The following OTOA variants were observed in gnomAD, a reference collection of about 807,000 sequenced individuals.
OTOA encodes cancer/testis antigen 108.
A neutral mutation model predicts 110.8 loss-of-function variants in OTOA; 70 were observed. The ratio of observed to expected loss-of-function variants is 0.63; its 90% CI spans 0.52 to 0.77. The LOEUF (loss-of-function observed/expected upper bound fraction) is 0.77. Ranked by LOEUF, OTOA falls within the 30% of genes least tolerant of loss-of-function variation. OTOA has a pLI of 0.00. For missense variants in OTOA, 917 were observed against 1,075.8 expected, an observed-to-expected ratio of 0.85 and a Z score of 2.06; for synonymous variants, 373 against 431.5, an observed-to-expected ratio of 0.86 and a Z score of 1.68.
intron 22 of OTOA, 97 bp downstream of exon 22, chr16:21,736,487 G>A (rs1248871946): frequency 4.5e-6 from 6 of 1,347,360 alleles, no homozygotes; most frequent in Non-Finnish European, 6.4e-6. Context: ...GCAGGGAACT[G>A]GATGAAATGT....
rs78674493 is a variant in OTOA, at chr16:21,736,456, G to A, written c.2431+66G>A. ...AATTAATGTTTTGGGCAGGGTCCCT[G>A]ACATCAAGAGGCCTCCTTATGCAGG... On this transcript the variant is annotated intron_variant, in intron 22 of 28. Coordinates refer to ENST00000646100, the MANE Select transcript of OTOA (RefSeq NM_144672.4). 29,580 of 1,567,862 alleles carry A rather than the reference G, an allele frequency of 0.019. No homozygotes were observed. In the East Asian group the frequency reaches 0.27, roughly 14 times the overall value.
At chr16:21,693,008 A>T (rs1239944153) in intron 9 of OTOA, among the ~76,000 whole-genome samples, 1 of 151,646 alleles carries the variant, frequency 6.6e-6, no homozygotes, top group Non-Finnish European at 1.5e-5. Context: ...TAATCCCAGC[A>T]CTTTGGGAGG....
chr16:21,673,219 T>C (rs975287754), intron 1 of OTOA, among the ~76,000 whole-genome samples: 3 of 152,190 alleles, frequency 2.0e-5, no homozygotes, highest in African/African-American at 7.2e-5. Context: ...TCCTGTGTAC[T>C]CTTCACCCAG....
rs1344710214 is a variant in OTOA at position 21,754,086 on chromosome 16, C to CTA, written c.3153+974_3153+975dup. Among the ~76,000 whole-genome samples, 93 of 136,324 alleles carry CTA rather than the reference C, an allele frequency of 6.8e-4. 2 individuals carry two copies. Among genetic ancestry groups the CTA allele is most frequent in the Non-Finnish European group, 9.7e-4 (62 of 63,726 alleles). The allele number at this position is 136,324 out of a possible 152,430, so 89.4% of individuals were successfully genotyped here. On this transcript the variant is annotated intron_variant, in intron 27 of 28. Coordinates refer to ENST00000646100, the MANE Select transcript of OTOA (RefSeq NM_144672.4). ...TCTCTCTATATATATATATTTTTTT[C>CTA]TATATATATATATTTTTAGTTGATT...
At chr16:21,716,216 A>T (rs1358396117) in intron 14 of OTOA, among the ~76,000 whole-genome samples, 1 of 151,500 alleles carries the variant, frequency 6.6e-6, no homozygotes, top group African/African-American at 2.4e-5. Context: ...TTTACTTGTC[A>T]GGGAGTCTTT....
chr16:21,693,236 C>G (rs1897869297), intron 9 of OTOA, among the ~76,000 whole-genome samples: 2 of 152,104 alleles, frequency 1.3e-5, no homozygotes, highest in Non-Finnish European at 2.9e-5. Flanking sequence ...TGCATTCCAG[C>G]CTGAGTGATG....
intron 21 of OTOA, among the ~76,000 whole-genome samples, chr16:21,733,964 G>A (rs1160557533): frequency 6.6e-6 from 1 of 152,058 alleles, no homozygotes; most frequent in Admixed American, 6.6e-5. Flanking sequence ...CATGCCGAGT[G>A]AATTTTTGTA....
intron 9 of OTOA, among the ~76,000 whole-genome samples, chr16:21,692,105 T>C (rs1897841653): frequency 6.6e-6 from 1 of 152,156 alleles, no homozygotes; most frequent in East Asian, 1.9e-4. Context: ...GGCAGGAGGA[T>C]TGCCGGAGGT....
chr16:21,694,276 T>TA (rs869214061), intron 9 of OTOA, among the ~76,000 whole-genome samples: 1 of 151,934 alleles, frequency 6.6e-6, no homozygotes, highest in South Asian at 2.1e-4. Context: ...CCCCATTTCT[T>TA]AAAAAATTTT....
In OTOA at chr16:21,700,963, C is replaced by T. The variant is rs1288292297; in HGVS notation, c.916C>T (p.Gln306Ter). The T allele has an allele frequency of 4.3e-6, 7 of 1,614,116 alleles. No homozygotes were observed. Among genetic ancestry groups the T allele is most frequent in the Non-Finnish European group, 5.9e-6 (7 of 1,180,020 alleles). The change falls in exon 11 of 29, where the codon CAG becomes TAG. Residue 306 changes from glutamine (Q) to a stop codon, truncating the protein, a stop_gained. Transcript: ENST00000646100. LOFTEE classifies it high-confidence loss of function. Reference protein sequence around the residue: ...MVYDITPELAQAFLERISSSN... With the variant: ...MVYDITPELA ...CTATGACATCACACCTGAGCTGGCC[C>T]AGGCGTTTCTGGAGAGGATCAGCTC...
At chr16:21,701,201 A>T in intron 11 of OTOA, 174 bp downstream of exon 11, 1 of 916,962 alleles carries the variant, frequency 1.1e-6, no homozygotes, top group Non-Finnish European at 1.7e-6. Flanking sequence ...TTTTTTTATG[A>T]AGAGGTTATG....
chr16:21,677,504 CGGAGTCTTGCTCTGTCGCCCAGGCT>C (rs1249363734), intron 1 of OTOA, among the ~76,000 whole-genome samples: 5 of 119,592 alleles, frequency 4.2e-5, no homozygotes, highest in African/African-American at 1.7e-4. Context: ...TTTTTTGAGA[CGGAGTCTTGCTCTGTCGCCCAGGCT>C]GGAGTGCAGT....
chr16:21,714,399 CTCTT>C lies in OTOA; in HGVS notation c.1321-578_1321-575del, dbSNP rs1449176922. On this transcript the variant is annotated intron_variant, in intron 13 of 28. Coordinates refer to ENST00000646100, the MANE Select transcript of OTOA (RefSeq NM_144672.4). ...TCTTTCTCTCTTTCTCTCTTTCTTT[CTCTT>C]TCTTTCTCTTTCTTTCTTTCCTTTC... Among the ~76,000 whole-genome samples the C allele has an allele frequency of 1.8e-3, 256 of 143,354 alleles. 1 individual carries two copies. The highest frequency in any genetic ancestry group is 5.5e-3 in the African/African-American group (214 of 38,802). 94.0% of individuals were successfully genotyped at this position (143,354 alleles called of 152,430 possible). A position where few individuals can be genotyped will look rare whatever the true frequency, so the allele number is the denominator to read the frequency against.
Position 21,715,129 on chromosome 16 carries a change from C to A in OTOA, c.1465C>A (p.Gln489Lys). ...SQYVSDLSPA[Q>K]QQGILSKMVQ... ...GTATGTATCCGACTTGTCACCTGCC[C>A]AGCAGCAAGGTATCCTCAGCAAGGT... Residue 489 changes from glutamine (Q) to lysine (K), a missense_variant, in exon 14 of 29, where the codon CAG becomes AAG. Gln to Lys is a moderately conservative substitution (Grantham distance 53, BLOSUM62 1). Coordinates refer to ENST00000646100, the MANE Select transcript of OTOA (RefSeq NM_144672.4). 1.9e-6 allele frequency: 3 copies of A among 1,614,172 alleles called. No homozygotes were observed. The highest frequency in any genetic ancestry group is 2.5e-6 in the Non-Finnish European group (3 of 1,180,008).
intron 21 of OTOA, among the ~76,000 whole-genome samples, chr16:21,736,032 G>A (rs907315196): frequency 2.0e-5 from 3 of 152,138 alleles, no homozygotes; most frequent in Non-Finnish European, 4.4e-5. Flanking sequence ...GGTGAAAAGT[G>A]ATTTACTTAT....
chr16:21,752,359 C>A lies in OTOA; in HGVS notation c.2919-10C>A. The A allele has an allele frequency of 1.9e-6, 1 of 539,982 alleles. No homozygotes were observed. Among genetic ancestry groups the A allele is most frequent in the Non-Finnish European group, 3.6e-6 (1 of 278,686 alleles). The allele number at this position is 539,982 out of a possible 1,614,324, so 33.4% of individuals were successfully genotyped here. On this transcript the variant is annotated splice_polypyrimidine_tract_variant and intron_variant, in intron 25 of 28. Coordinates refer to ENST00000646100, the MANE Select transcript of OTOA (RefSeq NM_144672.4). Reference sequence around the variant, plus strand: ...TCATATTATATCCCTCCCTCTTTAACCACTACCAGGGTGGTAGTGGCCAGA... The same window carrying A: ...TCATATTATATCCCTCCCTCTTTAAACACTACCAGGGTGGTAGTGGCCAGA...
intron 6 of OTOA, among the ~76,000 whole-genome samples, chr16:21,682,250 C>T (rs1485836391): frequency 6.6e-6 from 1 of 152,210 alleles, no homozygotes; most frequent in Non-Finnish European, 1.5e-5. Flanking sequence ...GGTGGAAACA[C>T]CTCTTCCTTT....
rs551068428 is a variant in OTOA, at chr16:21,697,699, T to C, written c.740-76T>C. The C allele has an allele frequency of 4.7e-6, 6 of 1,288,948 alleles. No individual in the cohort carries two copies. The African/African-American group carries it at 5.9e-5, about 13-fold the overall frequency. The allele number at this position is 1,288,948 out of a possible 1,614,324, so 79.8% of individuals were successfully genotyped here. A position where few individuals can be genotyped will look rare whatever the true frequency, so the allele number is the denominator to read the frequency against. On this transcript the variant is annotated intron_variant, in intron 9 of 28. Coordinates refer to ENST00000646100, the MANE Select transcript of OTOA (RefSeq NM_144672.4). ...AAGTAGGTCTTGACAGCAAAGATGC[T>C]GTTGACTATCACATACCAGTGTAAA...
intron 8 of OTOA, among the ~76,000 whole-genome samples, chr16:21,688,844 GC>G (rs1175529683): frequency 6.6e-6 from 1 of 152,110 alleles, no homozygotes; most frequent in African/African-American, 2.4e-5. Context: ...TTGGGGAAAC[GC>G]AAACATTCAG....
Sources: gnomAD v4.1 joint callset for allele counts (sites outside exome capture counted in the v4.1 genomes callset) on GRCh38, gnomAD v4.1.1 for gene constraint, MANE v1.5 for transcripts, NCBI Gene and HGNC (gene_info 2026-07-23, HGNC 2026-07-21) for gene names.